DGKK: variants seen among roughly 807,000 people sequenced by gnomAD.
DGKK encodes diacylglycerol kinase kappa.
DGKK carries 35 observed loss-of-function variants against 92.2 expected under a neutral mutation model. The observed-to-expected ratio is 0.38, with a 90% CI of 0.29 to 0.50. The LOEUF is 0.50. DGKK is among the 20% of genes least tolerant of loss of function. The pLI is 0.92. For synonymous variants in DGKK, 368 were observed against 360.6 expected (o/e 1.02, Z -0.23); for missense variants, 910 against 992.2 (o/e 0.92, Z 1.11).
In DGKK at chrX:50,368,674, A is replaced by G. The variant is rs1924032569; in HGVS notation, c.*266T>C. ...GGCCATTCATAAAGAGCTTATCCCA[A>G]TAAATACTGTAGTTGCTCAAGATGC... On this transcript the variant is annotated 3_prime_UTR_variant, in exon 28 of 28. Coordinates refer to ENST00000611977, the MANE Select transcript of DGKK (RefSeq NM_001013742.4). 6.7e-6 allele frequency: 2 copies of G among 298,144 alleles called. No homozygotes were observed. Among genetic ancestry groups the G allele is most frequent in the Non-Finnish European group, 5.9e-6 (1 of 170,773 alleles). The allele number at this position is 298,144 out of a possible 1,213,427, so 24.6% of individuals were successfully genotyped here. A position where few individuals can be genotyped will look rare whatever the true frequency, so the allele number is the denominator to read the frequency against.
intron 4 of DGKK, among the ~76,000 whole-genome samples, chrX:50,412,598 G>C (rs782049234): frequency 1.8e-5 from 2 of 112,100 alleles, no homozygotes; most frequent in East Asian, 5.6e-4. Context: ...TCAAAACATA[G>C]GTAAAGTGAT....
chrX:50,467,316 C>A (rs2147155585), intron 1 of DGKK, among the ~76,000 whole-genome samples: 1 of 112,613 alleles, frequency 8.9e-6, no homozygotes, highest in East Asian at 2.8e-4. Flanking sequence ...CAGTCAATTG[C>A]AGGTTCTGAA....
chrX:50,374,225 T>C (rs1557223555), intron 25 of DGKK, among the ~76,000 whole-genome samples: 2 of 111,996 alleles, frequency 1.8e-5, no homozygotes. Context: ...CCAATGTGAC[T>C]GGTGTCCTTA....
chrX:50,421,325 T>C (rs1381149524), intron 3 of DGKK, among the ~76,000 whole-genome samples: 1 of 111,550 alleles, frequency 9.0e-6, no homozygotes, highest in Non-Finnish European at 1.9e-5. Flanking sequence ...GCCTTTACTA[T>C]AAGCTCCCCA....
rs782353156 is a variant in DGKK, at chrX:50,390,300, G to A, written c.1926+28C>T. ...ATTTCACTGAGTAATAAAGATATTG[G>A]TCTGAATTACAGCTGAACAGTAGTT... is the stretch of plus-strand genomic sequence containing the variant. On this transcript the variant is annotated intron_variant, in intron 12 of 27. Transcript: ENST00000611977. 3.4e-6 allele frequency: 4 copies of A among 1,183,309 alleles called. No individual in the cohort carries two copies. The Admixed American group carries it at 8.8e-5, about 26-fold the overall frequency.
intron 1 of DGKK, among the ~76,000 whole-genome samples, chrX:50,438,785 A>G (rs1557231035): frequency 9.0e-6 from 1 of 111,716 alleles, no homozygotes; most frequent in East Asian, 2.8e-4. Context: ...CTATGGATAA[A>G]GATATGAAAA....
chrX:50,454,998 C>T (rs782395654), intron 1 of DGKK, among the ~76,000 whole-genome samples: 5 of 112,084 alleles, frequency 4.5e-5, no homozygotes, highest in Non-Finnish European at 9.4e-5. Context: ...CCAATGTACA[C>T]GTTTTGTCTT....
intron 1 of DGKK, among the ~76,000 whole-genome samples, chrX:50,429,776 C>G (rs1925841833): frequency 8.9e-6 from 1 of 112,425 alleles, no homozygotes; most frequent in Admixed American, 9.4e-5. Context: ...AATGATATTC[C>G]TTGTTTTTCT....
At chrX:50,426,781 C>T (rs1039892385) in intron 1 of DGKK, among the ~76,000 whole-genome samples, 1 of 112,037 alleles carries the variant, frequency 8.9e-6, no homozygotes, top group Non-Finnish European at 1.9e-5. Context: ...ATTAATACAT[C>T]ATAAAGCAAC....
intron 15 of DGKK, among the ~76,000 whole-genome samples, chrX:50,385,472 T>G (rs1174914685): frequency 8.9e-6 from 1 of 112,210 alleles, no homozygotes; most frequent in Non-Finnish European, 1.9e-5. Context: ...TGAGGGTTGG[T>G]TGCGACAGTT....
At chrX:50,423,447 T>G (rs782289223) in intron 2 of DGKK, among the ~76,000 whole-genome samples, 1 of 111,957 alleles carries the variant, frequency 8.9e-6, no homozygotes, top group East Asian at 2.8e-4. Flanking sequence ...AAAAAGACAA[T>G]GGTTTCTAAG....
rs1457700245 is a variant in DGKK, at chrX:50,400,941, G to A, written c.1411+96C>T. 1.2e-5 allele frequency: 10 copies of A among 818,571 alleles called. No individual in the cohort carries two copies. In the Admixed American group the frequency reaches 1.3e-4, roughly 11 times the overall value. The allele number at this position is 818,571 out of a possible 1,213,427, so 67.5% of individuals were successfully genotyped here. ...CCTACTTCCCCAAAATGTTTGACTG[G>A]TTGAGGAGAATAATTTAATTGCAGT... On this transcript the variant is annotated intron_variant, in intron 8 of 27. Transcript: ENST00000611977.
intron 1 of DGKK, among the ~76,000 whole-genome samples, chrX:50,434,926 C>G (rs1485732773): frequency 9.0e-6 from 1 of 111,681 alleles, no homozygotes; most frequent in Non-Finnish European, 1.9e-5. Context: ...TGTCATTAGG[C>G]CATTTCATCA....
chrX:50,404,296 G>C, intron 4 of DGKK, 112 bp from the exon 5 acceptor site: 1 of 827,492 alleles, frequency 1.2e-6, no homozygotes. Context: ...AGGTGTCAGA[G>C]CGTGTGAAGG....
rs182666818 is a variant in DGKK at position 50,415,338 on chromosome X, G to A, written c.942+5065C>T. 7.2e-5 allele frequency among the ~76,000 whole-genome samples: 8 copies of A among 111,647 alleles called. No individual in the cohort carries two copies. The East Asian group carries it at 1.7e-3, about 24-fold the overall frequency. On this transcript the variant is annotated intron_variant, in intron 4 of 27. Transcript: ENST00000611977. Reference sequence around the variant, plus strand: ...AAATATTGTTAAGTAAAAAATGGACGTTTTGTAGACATGATGGGATGTAAA... The same window carrying A: ...AAATATTGTTAAGTAAAAAATGGACATTTTGTAGACATGATGGGATGTAAA...
chrX:50,454,815 C>T (rs1222975756), intron 1 of DGKK, among the ~76,000 whole-genome samples: 1 of 111,834 alleles, frequency 8.9e-6, no homozygotes, highest in Admixed American at 9.5e-5. Flanking sequence ...AACAGCTAAG[C>T]TCTGATGTTC....
intron 1 of DGKK, among the ~76,000 whole-genome samples, chrX:50,444,821 G>C (rs1201657712): frequency 9.0e-6 from 1 of 111,250 alleles, no homozygotes; most frequent in Non-Finnish European, 1.9e-5. Flanking sequence ...TAATGGGATT[G>C]CTGGGTCAAA....
chrX:50,400,813 C>T (rs1044944150), intron 8 of DGKK, among the ~76,000 whole-genome samples: 9 of 110,880 alleles, frequency 8.1e-5, no homozygotes, highest in African/African-American at 2.6e-4. Context: ...CAATTGTGAC[C>T]GAGCTACAGA....
At chrX:50,423,225 A>G (rs782446813) in intron 2 of DGKK, among the ~76,000 whole-genome samples, 1 of 112,327 alleles carries the variant, frequency 8.9e-6, no homozygotes, top group South Asian at 3.7e-4. Context: ...GGCGCATTAT[A>G]CATTTCCACC....
Sources: allele counts gnomAD v4.1 joint callset (sites outside exome capture counted in the v4.1 genomes callset), GRCh38; gene constraint gnomAD v4.1.1; transcripts MANE v1.5; gene names NCBI Gene and HGNC (gene_info 2026-07-23, HGNC 2026-07-21).